The following SPTBN4 variants were observed in gnomAD, a reference collection of about 807,000 sequenced individuals.
SPTBN4 encodes the protein spectrin beta, non-erythrocytic 4, also known as spectrin beta chain, non-erythrocytic 4.
A neutral mutation model predicts 277.8 loss-of-function variants in SPTBN4; 96 were observed. The ratio of observed to expected loss-of-function variants is 0.35; its 90% CI spans 0.29 to 0.41. The LOEUF (loss-of-function observed/expected upper bound fraction) is 0.41. Ranked by LOEUF, SPTBN4 falls within the 10% of genes least tolerant of loss-of-function variation. SPTBN4 has a pLI of 1.00. For missense variants in SPTBN4, 3,006 were observed against 3,595.7 expected, an observed-to-expected ratio of 0.84 and a Z score of 4.19; for synonymous variants, 1,481 against 1,580.3, an observed-to-expected ratio of 0.94 and a Z score of 1.49.
At chr19:40,489,433 T>C (rs2080111704) in intron 3 of SPTBN4, among the ~76,000 whole-genome samples, 1 of 151,908 alleles carries the variant, frequency 6.6e-6, no homozygotes, top group East Asian at 2.0e-4. Flanking sequence ...TCACCCAGGC[T>C]GGAGTGCAGT....
At chr19:40,558,311 C>T (rs1202111196) in intron 26 of SPTBN4, among the ~76,000 whole-genome samples, 10 of 151,418 alleles carry the variant, frequency 6.6e-5, no homozygotes, top group African/African-American at 1.9e-4. Flanking sequence ...GAGCCGAGAT[C>T]GCGCCACTGC....
chr19:40,470,461 C>G (rs2079871917), intron 1 of SPTBN4, among the ~76,000 whole-genome samples: 1 of 152,004 alleles, frequency 6.6e-6, no homozygotes, highest in Non-Finnish European at 1.5e-5. Context: ...CATGCACTAC[C>G]ATGCCCAGCT....
At position 40,567,679 on chromosome 19, in the gene SPTBN4, C is replaced by A; in HGVS notation, c.6353C>A (p.Ala2118Glu). Residue 2118 changes from alanine (A) to glutamate (E), a missense_variant, in exon 31 of 36, where the codon GCG becomes GAG. Around this residue, in one of 5 missense-constraint regions of SPTBN4, gnomAD observed 630 missense variants for 677.6 expected, o/e 0.93. Coordinates refer to ENST00000598249, the MANE Select transcript of SPTBN4 (RefSeq NM_020971.3). The stretch of plus-strand genomic sequence containing the variant: ...CATCCTCAGATCGAGAAAATCAAAG[C>A]GGAACAGAGCAAGCAGCCGCCTACC... ...RRLTTIEKIK[A>E]EQSKQPPTPL... 1.3e-6 allele frequency: 2 copies of A among 1,532,976 alleles called. No homozygotes were observed. The highest frequency in any genetic ancestry group is 1.8e-6 in the Non-Finnish European group (2 of 1,140,960). 95.0% of individuals were successfully genotyped at this position (1,532,976 alleles called of 1,614,324 possible).
intron 20 of SPTBN4, among the ~76,000 whole-genome samples, chr19:40,539,313 AG>A (rs1347038049): frequency 6.6e-6 from 1 of 152,208 alleles, no homozygotes; most frequent in Non-Finnish European, 1.5e-5. Context: ...TGCAATGGGA[AG>A]GACCTCAATG....
At chr19:40,533,570 G>T (rs978171192) in intron 19 of SPTBN4, among the ~76,000 whole-genome samples, 1 of 152,166 alleles carries the variant, frequency 6.6e-6, no homozygotes, top group African/African-American at 2.4e-5. Flanking sequence ...AATGGTCATT[G>T]ATGTTTCATA....
rs1296545486 is a variant in SPTBN4, at chr19:40,513,103, G to A, written c.2314G>A (p.Ala772Thr). 2.8e-6 allele frequency: 4 copies of A among 1,436,182 alleles called. No individual in the cohort carries two copies. Among genetic ancestry groups the A allele is most frequent in the East Asian group, 6.1e-5 (2 of 32,818 alleles). 89.0% of individuals were successfully genotyped at this position (1,436,182 alleles called of 1,614,324 possible). A position where few individuals can be genotyped will look rare whatever the true frequency, so the allele number is the denominator to read the frequency against. ...AARRERRLQE[A>T]RALHQFGADL... ...GCGGCGAGAGCGGCGGCTGCAGGAG[G>A]CGCGGGCGCTGCACCAGTTCGGCGC... The change falls in exon 14 of 36, where the codon GCG becomes ACG. Residue 772 changes from alanine to threonine, a missense_variant. Ala to Thr is a moderately conservative substitution (Grantham distance 58). Around this residue, in one of 5 missense-constraint regions of SPTBN4, gnomAD observed 1,759 missense variants for 2,061.5 expected, o/e 0.85. Coordinates refer to ENST00000598249, the MANE Select transcript of SPTBN4 (RefSeq NM_020971.3).
Position 40,502,841 on chromosome 19 carries a change from CAGG to C in SPTBN4, c.1273_1275del (p.Glu425del). 1 of 1,613,900 alleles carries C rather than the reference CAGG, an allele frequency of 6.2e-7. No individual in the cohort carries two copies. The highest frequency in any genetic ancestry group is 8.5e-7 in the Non-Finnish European group (1 of 1,180,026). On this transcript the variant is annotated inframe_deletion, in exon 11 of 36. Coordinates refer to ENST00000598249, the MANE Select transcript of SPTBN4 (RefSeq NM_020971.3). This position sits in a 1 kb window ranked among gnomAD's most constrained non-coding sequence, Gnocchi z 4.9. ...TGCCCTACGGGCTGAGCTGATTCGG[CAGG>C]AGAAGCTGGAACTACTGGCACAGAG...
intron 22 of SPTBN4, 32 bp downstream of exon 22, chr19:40,550,359 G>A (rs758064481): frequency 7.5e-6 from 12 of 1,594,890 alleles, no homozygotes; most frequent in Non-Finnish European, 1.0e-5. Flanking sequence ...AGCGAGTTAG[G>A]ACATTTGGAT....
chr19:40,484,949 AAAACC>A (rs2080054525), intron 2 of SPTBN4, among the ~76,000 whole-genome samples: 1 of 87,158 alleles, frequency 1.1e-5, no homozygotes, highest in African/African-American at 1.2e-4. Context: ...AAACAAAACA[AAAACC>A]AAAAAACAAA....
Position 40,575,536 on chromosome 19 carries a change from C to T in SPTBN4, c.7662C>T (p.Gly2554=). The T allele has an allele frequency of 1.2e-6, 2 of 1,612,592 alleles. No homozygotes were observed. Among genetic ancestry groups the T allele is most frequent in the South Asian group, 1.1e-5 (1 of 90,880 alleles). ...STDEGNPKRE[G]GDRRASGRRK Reference sequence around the variant, plus strand: ...ATGAGGGCAACCCTAAGAGGGAAGGCGGAGATCGCAGGGCCAGCGGGCGCA... The same window carrying T: ...ATGAGGGCAACCCTAAGAGGGAAGGTGGAGATCGCAGGGCCAGCGGGCGCA... The change falls in exon 36 of 36, where the codon GGC becomes GGT. Residue 2554 remains glycine, a synonymous_variant. Transcript: ENST00000598249.
At chr19:40,482,612 T>G (rs2145815427) in intron 2 of SPTBN4, among the ~76,000 whole-genome samples, 1 of 152,328 alleles carries the variant, frequency 6.6e-6, no homozygotes, top group East Asian at 1.9e-4. Flanking sequence ...TCTTCCTATT[T>G]TAAAATGTTG....
rs1231951392 is a variant in SPTBN4 at position 40,490,041 on chromosome 19, G to A, written c.322-34G>A. The A allele has an allele frequency of 1.3e-6, 2 of 1,566,888 alleles. No homozygotes were observed. Among genetic ancestry groups the A allele is most frequent in the Non-Finnish European group, 1.7e-6 (2 of 1,155,662 alleles). On this transcript the variant is annotated intron_variant, in intron 3 of 35. Transcript: ENST00000598249. The surrounding 1 kb of genome is among the most constrained non-coding windows in gnomAD (Gnocchi z 4.3). ...AGGGCGCCATACTCCTGTCTGTCCA[G>A]ACCCCCGATCGCCCACCGCCCCTGT... is the stretch of plus-strand genomic sequence containing the variant.
Position 40,575,734 on chromosome 19 carries a change from G to C in SPTBN4, c.*165G>C. Reference sequence around the variant, plus strand: ...GGGGACTTCTCCTGCACCCCAAGAAGTGGTGGGGAGATTGCTGCCCCTATA... The same window carrying C: ...GGGGACTTCTCCTGCACCCCAAGAACTGGTGGGGAGATTGCTGCCCCTATA... On this transcript the variant is annotated 3_prime_UTR_variant, in exon 36 of 36. Coordinates refer to ENST00000598249, the MANE Select transcript of SPTBN4 (RefSeq NM_020971.3). 1 of 866,612 alleles carries C rather than the reference G, an allele frequency of 1.2e-6. No homozygotes were observed. 53.7% of individuals were successfully genotyped at this position (866,612 alleles called of 1,614,324 possible).
intron 2 of SPTBN4, among the ~76,000 whole-genome samples, chr19:40,483,508 T>A (rs1340877014): frequency 6.6e-6 from 1 of 152,198 alleles, no homozygotes; most frequent in Non-Finnish European, 1.5e-5. Context: ...ATTTTTTAAC[T>A]TTAAATTGCA....
At chr19:40,485,873 C>T (rs1230180256) in intron 2 of SPTBN4, among the ~76,000 whole-genome samples, 2 of 151,318 alleles carry the variant, frequency 1.3e-5, no homozygotes, top group Non-Finnish European at 2.9e-5. Context: ...CAAAGATATA[C>T]AACTGTCTGA....
In SPTBN4 at chr19:40,513,286, C is replaced by T. The variant is rs2080415428; in HGVS notation, c.2497C>T (p.Arg833Trp). The T allele has an allele frequency of 3.2e-6, 5 of 1,541,802 alleles. No homozygotes were observed. The highest frequency in any genetic ancestry group is 3.5e-6 in the Non-Finnish European group (4 of 1,148,764). ...EAHRGPVSGLRRQLATLGGAS... is the reference protein window; with the variant it reads ...EAHRGPVSGLWRQLATLGGAS... ...ACATCGCGGGCCCGTGAGCGGCCTG[C>T]GGCGCCAGCTGGCGACACTCGGGGG... is the stretch of plus-strand genomic sequence containing the variant. Residue 833 changes from arginine to tryptophan, a missense_variant, in exon 14 of 36, where the codon CGG (arginine) becomes TGG (tryptophan). This residue lies in a region of SPTBN4 where 1,759 missense variants were observed against 2,061.5 expected (regional missense o/e 0.85). Coordinates refer to ENST00000598249, the MANE Select transcript of SPTBN4 (RefSeq NM_020971.3).
At chr19:40,474,722 A>G (rs2079927915) in intron 2 of SPTBN4, among the ~76,000 whole-genome samples, 1 of 151,994 alleles carries the variant, frequency 6.6e-6, no homozygotes, top group Non-Finnish European at 1.5e-5. Flanking sequence ...CAATATGGTG[A>G]CACTACTAAA....
chr19:40,539,394 C>T (rs968633060), intron 20 of SPTBN4, among the ~76,000 whole-genome samples: 4 of 152,264 alleles, frequency 2.6e-5, no homozygotes, highest in African/African-American at 9.6e-5. Flanking sequence ...TGGATGCTGG[C>T]GCTGGGCTGC....
At chr19:40,505,885 G>A (rs1327865540) in intron 12 of SPTBN4, among the ~76,000 whole-genome samples, 1 of 152,128 alleles carries the variant, frequency 6.6e-6, no homozygotes, top group Non-Finnish European at 1.5e-5. Flanking sequence ...AAGACATGGA[G>A]GCAGAGAGTG....
Sources: allele counts gnomAD v4.1 joint callset (sites outside exome capture counted in the v4.1 genomes callset), GRCh38; gene constraint gnomAD v4.1.1; regional missense constraint gnomAD v4.1.1; non-coding constraint Gnocchi (gnomAD v3.1); transcripts MANE v1.5; gene names NCBI Gene and HGNC (gene_info 2026-07-23, HGNC 2026-07-21).